RFX7: variants seen among roughly 807,000 people sequenced by gnomAD.
RFX7 encodes regulatory factor X7.
Under a neutral mutation model 111.8 loss-of-function variants are expected in RFX7, and 26 were observed. The observed-to-expected ratio is 0.23, with a 90% CI of 0.17 to 0.32. The LOEUF (loss-of-function observed/expected upper bound fraction) is 0.32. Among genes scored for constraint, RFX7 ranks in the 10% least tolerant of loss-of-function variants. The pLI is 1.00. For missense variants in RFX7, 1,573 were observed against 1,772.9 expected (o/e 0.89, Z 2.02); for synonymous variants, 624 against 624.4 (o/e 1.00, Z 0.01).
chr15:56,205,735 C>T (rs1370080833), intron 2 of RFX7, among the ~76,000 whole-genome samples: 1 of 152,090 alleles, frequency 6.6e-6, no homozygotes, highest in Non-Finnish European at 1.5e-5. Context: ...TGAAGCATGA[C>T]TAAGAACCTG....
intron 2 of RFX7, among the ~76,000 whole-genome samples, chr15:56,215,058 C>T (rs1596014780): frequency 6.6e-6 from 1 of 152,136 alleles, no homozygotes; most frequent in East Asian, 1.9e-4. Context: ...TGGTGGGTAT[C>T]AAGGTACTAG....
intron 2 of RFX7, among the ~76,000 whole-genome samples, chr15:56,198,239 A>ATAGG (rs1687385426): frequency 6.6e-6 from 1 of 152,118 alleles, no homozygotes; most frequent in African/African-American, 2.4e-5. Context: ...AACAATCCCT[A>ATAGG]ACCTGAAGTT....
At chr15:56,224,905 T>C (rs1458001882) in intron 2 of RFX7, among the ~76,000 whole-genome samples, 1 of 152,138 alleles carries the variant, frequency 6.6e-6, no homozygotes, top group Non-Finnish European at 1.5e-5. Context: ...ATTTATTCTC[T>C]CTCTCTGCCT....
intron 2 of RFX7, among the ~76,000 whole-genome samples, chr15:56,242,122 C>T (rs1406636246): frequency 6.6e-6 from 1 of 152,200 alleles, no homozygotes; most frequent in African/African-American, 2.4e-5. Flanking sequence ...GCAAAGATTT[C>T]ATTTCCATTT....
intron 2 of RFX7, among the ~76,000 whole-genome samples, chr15:56,188,686 T>G (rs2043067033): frequency 6.6e-6 from 1 of 152,098 alleles, no homozygotes; most frequent in South Asian, 2.1e-4. Flanking sequence ...CCTGGTGGAG[T>G]AACTAGACAC....
chr15:56,187,240 T>A (rs2141153240), intron 2 of RFX7, among the ~76,000 whole-genome samples: 1 of 151,794 alleles, frequency 6.6e-6, no homozygotes, highest in Admixed American at 6.6e-5. Context: ...AGATGGAGTC[T>A]TGCTCTGTCA....
intron 5 of RFX7, among the ~76,000 whole-genome samples, chr15:56,139,346 C>G (rs989730010): frequency 6.6e-6 from 1 of 152,144 alleles, no homozygotes; most frequent in African/African-American, 2.4e-5. Context: ...AAATTCCCTT[C>G]TCGCTTCATT....
At chr15:56,222,178 AG>A (rs1315291748) in intron 2 of RFX7, among the ~76,000 whole-genome samples, 4 of 152,186 alleles carry the variant, frequency 2.6e-5, no homozygotes, top group Admixed American at 6.5e-5. Flanking sequence ...AGCACTTAAA[AG>A]GTTCCATTGT....
At chr15:56,147,832 C>T (rs1385010658) in intron 3 of RFX7, among the ~76,000 whole-genome samples, 1 of 152,226 alleles carries the variant, frequency 6.6e-6, no homozygotes, top group Non-Finnish European at 1.5e-5. Flanking sequence ...CTTGGCCTCC[C>T]AAAGTGCTGG....
intron 2 of RFX7, among the ~76,000 whole-genome samples, chr15:56,209,078 C>A (rs2682031): frequency 0.57 from 87,087 of 151,738 alleles, 25,990 homozygotes; most frequent in East Asian, 0.85. Flanking sequence ...CAACCAACAT[C>A]AATGTCAAAA....
intron 5 of RFX7, among the ~76,000 whole-genome samples, chr15:56,110,522 G>A (rs1322652238): frequency 1.3e-4 from 6 of 44,970 alleles, no homozygotes; most frequent in Non-Finnish European, 2.5e-4. Context: ...CCGGCCAGCT[G>A]CCCCGTCCGG....
At chr15:56,121,658 C>G (rs370215176) in intron 5 of RFX7, among the ~76,000 whole-genome samples, 6 of 152,082 alleles carry the variant, frequency 3.9e-5, no homozygotes, top group East Asian at 3.9e-4. Context: ...GCCAATAGCT[C>G]TTAGATTTGG....
chr15:56,146,373 G>A (rs974725879), intron 3 of RFX7, among the ~76,000 whole-genome samples: 9 of 152,086 alleles, frequency 5.9e-5, no homozygotes, highest in African/African-American at 2.2e-4. Flanking sequence ...GTGCTGGGAT[G>A]CTAGGTATGA....
At chr15:56,125,916 G>A (rs1274053654) in intron 5 of RFX7, among the ~76,000 whole-genome samples, 3 of 151,930 alleles carry the variant, frequency 2.0e-5, no homozygotes, top group African/African-American at 7.3e-5. Flanking sequence ...AAATGGTTTG[G>A]GGCTTTATTC....
At chr15:56,129,633 C>T (rs2042187792) in intron 5 of RFX7, among the ~76,000 whole-genome samples, 1 of 152,148 alleles carries the variant, frequency 6.6e-6, no homozygotes, top group Non-Finnish European at 1.5e-5. Flanking sequence ...AGTTGGAGAG[C>T]ACACTGCCCT....
rs538060231 is a variant in RFX7, at chr15:56,208,081, G to C, written c.162-28778C>G. ...ACTTTTACCTCCAAGAGCTTGACCA[G>C]GTTTTCCCAGTGAATATTTAAGAAA... On this transcript the variant is annotated intron_variant, in intron 2 of 9. Transcript: ENST00000559447. Among the ~76,000 whole-genome samples the C allele has an allele frequency of 3.5e-4, 53 of 152,288 alleles. 1 individual carries two copies. The South Asian group carries it at 0.011, about 31-fold the overall frequency.
Position 56,220,853 on chromosome 15 carries a change from T to C in RFX7, c.161+22272A>G, listed in dbSNP as rs193223329. ...TTATTCCATCTTGAGTTGATTTTTG[T>C]ATATGATATAAGGAAATGGGTCCAG... On this transcript the variant is annotated intron_variant, in intron 2 of 9. Coordinates refer to ENST00000559447, the MANE Select transcript of RFX7 (RefSeq NM_022841.7). Among the ~76,000 whole-genome samples, 7 of 152,352 alleles carry C rather than the reference T, an allele frequency of 4.6e-5. No homozygotes were observed. In the East Asian group the frequency reaches 1.3e-3, roughly 29 times the overall value.
At position 56,213,242 on chromosome 15, in the gene RFX7, T is replaced by C. The variant is rs989238701; in HGVS notation, c.161+29883A>G. Among the ~76,000 whole-genome samples the C allele has an allele frequency of 2.6e-5, 4 of 152,300 alleles. No individual in the cohort carries two copies. The South Asian group carries it at 8.3e-4, about 32-fold the overall frequency. The stretch of plus-strand genomic sequence containing the variant: ...GTTCACATAAAAACCTGTACATAAA[T>C]GTCTACAGCAGCTTTACTCATAAGG... On this transcript the variant is annotated intron_variant, in intron 2 of 9. Transcript: ENST00000559447.
chr15:56,103,207 G>T (rs1241081934), intron 6 of RFX7, among the ~76,000 whole-genome samples: 1 of 134,600 alleles, frequency 7.4e-6, no homozygotes, highest in African/African-American at 2.8e-5. Context: ...AGATAAGCTA[G>T]CATCTTTCTC....
Sources: allele counts gnomAD v4.1 joint callset (sites outside exome capture counted in the v4.1 genomes callset), GRCh38; gene constraint gnomAD v4.1.1; transcripts MANE v1.5; gene names NCBI Gene and HGNC (gene_info 2026-07-23, HGNC 2026-07-21).